Variants in RLF observed in about 807,000 individuals in gnomAD.
RLF encodes the protein RLF zinc finger, also known as zinc finger protein Rlf.
Under a neutral mutation model 162.9 loss-of-function variants are expected in RLF, and 7 were observed. The observed-to-expected ratio is 0.04, with a 90% CI of 0.02 to 0.08. The LOEUF is 0.08. RLF is among the 10% of genes least tolerant of loss of function. The probability of loss-of-function intolerance (pLI) is 1.00; values close to 1 mark genes in which losing one functional copy is unlikely to be tolerated. For synonymous variants in RLF, 782 were observed against 791.5 expected (o/e 0.99, Z 0.20); for missense variants, 1,664 against 2,244.7 (o/e 0.74, Z 5.23).
chr1:40,222,096 G>T (rs1444767996), intron 5 of RLF, among the ~76,000 whole-genome samples: 1 of 152,038 alleles, frequency 6.6e-6, no homozygotes, highest in Non-Finnish European at 1.5e-5. Flanking sequence ...ATGAAAAAAT[G>T]ATGTTAATGT....
Position 40,222,734 on chromosome 1 carries a change from CTTTA to C in RLF, c.947+28_947+31del, listed in dbSNP as rs991337598. 4.4e-6 allele frequency: 7 copies of C among 1,600,366 alleles called. No homozygotes were observed. The African/African-American group carries it at 8.0e-5, about 18-fold the overall frequency. Reference sequence around the variant, plus strand: ...TGGTAAGTATATTTAGTTTTACACTCTTTATTTGTTAGTACATAGTATAGCATTT... The same window carrying C: ...TGGTAAGTATATTTAGTTTTACACTCTTTGTTAGTACATAGTATAGCATTT... On this transcript the variant is annotated intron_variant, in intron 6 of 7. Transcript: ENST00000372771.
rs1643241388 is a variant in RLF, at chr1:40,237,964, T to C, written c.3262T>C (p.Tyr1088His). Residue 1088 changes from tyrosine to histidine, a missense_variant, in exon 8 of 8, where the codon TAC becomes CAC. Coordinates refer to ENST00000372771, the MANE Select transcript of RLF (RefSeq NM_012421.4). This position sits in a 1 kb window ranked among gnomAD's most constrained non-coding sequence, Gnocchi z 4.4. ...HGSFSGSLQG[Y>H]PSSGAKSLQS... ...ATCTTTCTCAGGGTCATTGCAGGGGTACCCATCCAGTGGTGCTAAGTCTCT... is the reference window on the plus strand; with the variant it reads ...ATCTTTCTCAGGGTCATTGCAGGGGCACCCATCCAGTGGTGCTAAGTCTCT... 2 of 1,614,024 alleles carry C rather than the reference T, an allele frequency of 1.2e-6. No individual in the cohort carries two copies. Among genetic ancestry groups the C allele is most frequent in the African/African-American group, 2.7e-5 (2 of 74,944 alleles).
At chr1:40,234,429 G>A (rs1331451634) in intron 7 of RLF, among the ~76,000 whole-genome samples, 10 of 152,156 alleles carry the variant, frequency 6.6e-5, no homozygotes, top group Non-Finnish European at 2.9e-5. Flanking sequence ...TGATTTCTTT[G>A]TGTTCCCAGC....
Position 40,195,777 on chromosome 1 carries a change from A to G in RLF, c.607+13A>G, listed in dbSNP as rs759892385. On this transcript the variant is annotated intron_variant, in intron 4 of 7. Coordinates refer to ENST00000372771, the MANE Select transcript of RLF (RefSeq NM_012421.4). ...GAAACGGAGGAAGGTAAGTCTTAAG[A>G]CTATATTGGATGAGGATTTAGTTCT... The G allele has an allele frequency of 1.2e-6, 2 of 1,605,120 alleles. No individual in the cohort carries two copies. Among genetic ancestry groups the G allele is most frequent in the African/African-American group, 1.3e-5 (1 of 74,644 alleles).
At chr1:40,213,307 G>A (rs544451880) in intron 5 of RLF, among the ~76,000 whole-genome samples, 2 of 152,174 alleles carry the variant, frequency 1.3e-5, no homozygotes, top group African/African-American at 2.4e-5. Flanking sequence ...GTGTATGATT[G>A]CACTGGAGGG....
intron 1 of RLF, among the ~76,000 whole-genome samples, chr1:40,177,074 G>A (rs1202357871): frequency 2.0e-5 from 3 of 150,956 alleles, no homozygotes; most frequent in Non-Finnish European, 4.4e-5. Flanking sequence ...TGCAACCTCC[G>A]CCTCACAGGT....
chr1:40,228,244 C>CCATTG (rs1643104023), intron 6 of RLF, among the ~76,000 whole-genome samples: 2 of 151,558 alleles, frequency 1.3e-5, no homozygotes, highest in East Asian at 1.9e-4. Flanking sequence ...CGAGATCATG[C>CCATTG]CACTGCATTC....
chr1:40,217,425 C>T (rs867308549), intron 5 of RLF, among the ~76,000 whole-genome samples: 14 of 152,064 alleles, frequency 9.2e-5, no homozygotes, highest in Admixed American at 8.5e-4. Context: ...GAGCTGCCAT[C>T]GTACCACTAC....
intron 5 of RLF, among the ~76,000 whole-genome samples, chr1:40,221,228 T>C (rs1040915536): frequency 2.6e-5 from 4 of 152,096 alleles, no homozygotes; most frequent in African/African-American, 9.7e-5. Context: ...ACATTTTTAA[T>C]TTAAAAATGA....
chr1:40,238,743 C>T lies in RLF; in HGVS notation c.4041C>T (p.Asp1347=), dbSNP rs1382486851. Residue 1347 remains aspartate (D), a synonymous_variant, in exon 8 of 8, where the codon GAC becomes GAT. Transcript: ENST00000372771. The surrounding 1 kb of genome is among the most constrained non-coding windows in gnomAD (Gnocchi z 5.2). ...YNKEQLCLEK[D]KARTKRELVK... is the part of the protein sequence containing the mutation. The stretch of plus-strand genomic sequence containing the variant: ...AAGAACAGTTATGTTTGGAGAAAGA[C>T]AAAGCAAGAACCAAAAGGGAACTTG... 6.2e-7 allele frequency: 1 copy of T among 1,613,642 alleles called. No individual in the cohort carries two copies. The highest frequency in any genetic ancestry group is 8.5e-7 in the Non-Finnish European group (1 of 1,179,776).
chr1:40,201,611 G>A (rs1024658206), intron 4 of RLF, among the ~76,000 whole-genome samples: 6 of 118,240 alleles, frequency 5.1e-5, no homozygotes, highest in African/African-American at 2.0e-4. Flanking sequence ...GGGTGACAGA[G>A]CAAGACTTCA....
chr1:40,179,412 C>T (rs865834879), intron 1 of RLF, among the ~76,000 whole-genome samples: 2 of 152,110 alleles, frequency 1.3e-5, no homozygotes, highest in African/African-American at 2.4e-5. Context: ...AATAATGGCT[C>T]GCTAATGCAG....
chr1:40,174,895 T>C (rs1318589142), intron 1 of RLF, among the ~76,000 whole-genome samples: 2 of 152,152 alleles, frequency 1.3e-5, no homozygotes, highest in African/African-American at 4.8e-5. Context: ...AAGGACATTG[T>C]CAATGAAAAT....
At chr1:40,177,375 C>A (rs373314895) in intron 1 of RLF, among the ~76,000 whole-genome samples, 1 of 151,454 alleles carries the variant, frequency 6.6e-6, no homozygotes, top group Non-Finnish European at 1.5e-5. Flanking sequence ...CTGCAAGCTC[C>A]GCCTCCCGGG....
chr1:40,233,748 C>T (rs1643183054), intron 7 of RLF, among the ~76,000 whole-genome samples: 1 of 152,140 alleles, frequency 6.6e-6, no homozygotes, highest in Non-Finnish European at 1.5e-5. Flanking sequence ...AGTCTCAGCT[C>T]GTCTGAAAGG....
At chr1:40,203,736 A>G (rs1351026317) in intron 5 of RLF, among the ~76,000 whole-genome samples, 1 of 152,128 alleles carries the variant, frequency 6.6e-6, no homozygotes, top group Non-Finnish European at 1.5e-5. Context: ...ATTCTGACAT[A>G]TGGATTCTTA....
In RLF at chr1:40,238,465, A is replaced by G. The variant is rs1451470340; in HGVS notation, c.3763A>G (p.Thr1255Ala). 6 of 1,614,060 alleles carry G rather than the reference A, an allele frequency of 3.7e-6. No homozygotes were observed. The highest frequency in any genetic ancestry group is 1.3e-5 in the African/African-American group (1 of 74,942). The change falls in exon 8 of 8, where the codon ACA becomes GCA. Residue 1255 changes from threonine (T) to alanine (A), a missense_variant. Transcript: ENST00000372771. This position sits in a 1 kb window ranked among gnomAD's most constrained non-coding sequence, Gnocchi z 5.2. The part of the protein sequence containing the change: ...HPKKDECSSE[T>A]DLESSCEETE... ...TAAAAAGGATGAATGTAGTTCTGAA[A>G]CAGATTTGGAATCATCTTGTGAAGA...
In RLF at chr1:40,239,680, G is replaced by C. The variant is rs896864149; in HGVS notation, c.4978G>C (p.Val1660Leu). ...GAAAGGGTGCATAGAAAGCAGCTCAGTATTTGATGCAGATACTCTGCTCTA... is the reference window on the plus strand; with the variant it reads ...GAAAGGGTGCATAGAAAGCAGCTCACTATTTGATGCAGATACTCTGCTCTA... ...GQKGCIESSSVFDADTLLYRG... is the reference protein window; with the variant it reads ...GQKGCIESSSLFDADTLLYRG... Residue 1660 changes from valine (V) to leucine (L), a missense_variant, in exon 8 of 8, where the codon GTA becomes CTA. Transcript: ENST00000372771. The C allele has an allele frequency of 2.7e-5, 44 of 1,614,094 alleles. No individual in the cohort carries two copies. The highest frequency in any genetic ancestry group is 3.6e-5 in the Non-Finnish European group (42 of 1,180,048).
In RLF at chr1:40,220,413, C is replaced by G. The variant is rs1411463978; in HGVS notation, c.811-2161C>G. 2.0e-5 allele frequency among the ~76,000 whole-genome samples: 3 copies of G among 152,294 alleles called. No homozygotes were observed. The East Asian group carries it at 5.8e-4, about 29-fold the overall frequency. ...CCTGGAGTATCTTTCTCAGTTCACT[C>G]TCTCTTTGCCATGGCTTATTCCTAC... is the stretch of plus-strand genomic sequence containing the variant. On this transcript the variant is annotated intron_variant, in intron 5 of 7. Transcript: ENST00000372771.
Sources: allele counts gnomAD v4.1 joint callset (sites outside exome capture counted in the v4.1 genomes callset), GRCh38; gene constraint gnomAD v4.1.1; non-coding constraint Gnocchi (gnomAD v3.1); transcripts MANE v1.5; gene names NCBI Gene and HGNC (gene_info 2026-07-23, HGNC 2026-07-21).